RASSF9: variants seen among roughly 807,000 people sequenced by gnomAD.
RASSF9 encodes ras association domain-containing protein 9.
RASSF9 carries 18 observed loss-of-function variants against 21.4 expected under a neutral mutation model. The ratio of observed to expected loss-of-function variants is 0.84; its 90% CI spans 0.58 to 1.25. RASSF9 has a LOEUF of 1.25. Ranked by LOEUF, RASSF9 falls within the 50% of genes most tolerant of loss-of-function variation. The probability of loss-of-function intolerance (pLI) is 0.00; values close to 1 mark genes in which losing one functional copy is unlikely to be tolerated. For synonymous variants in RASSF9, 183 were observed against 179.1 expected (o/e 1.02, Z -0.18); for missense variants, 480 against 503.2 (o/e 0.95, Z 0.44).
At chr12:85,834,359 CTTTTT>C in intron 1 of RASSF9, among the ~76,000 whole-genome samples, 1 of 152,144 alleles carries the variant, frequency 6.6e-6, no homozygotes, top group East Asian at 1.9e-4. Context: ...ATTAAACTCT[CTTTTT>C]TATTTTTATT....
intron 1 of RASSF9, among the ~76,000 whole-genome samples, chr12:85,822,264 T>G (rs1380688497): frequency 6.6e-6 from 1 of 151,378 alleles, no homozygotes; most frequent in Non-Finnish European, 1.5e-5. Context: ...GCTCTTCCCC[T>G]CTAAATGTAT....
At chr12:85,821,650 T>C (rs2136559013) in intron 1 of RASSF9, among the ~76,000 whole-genome samples, 1 of 151,540 alleles carries the variant, frequency 6.6e-6, no homozygotes, top group East Asian at 1.9e-4. Context: ...TATATGTTTG[T>C]GTATATACGA....
rs1365173722 is a variant in RASSF9 at position 85,800,830 on chromosome 12, T to TA, written c.*3871dup. The TA allele has an allele frequency of 6.6e-6, 1 of 151,882 alleles. No individual in the cohort carries two copies. The highest frequency in any genetic ancestry group is 2.4e-5 in the African/African-American group (1 of 41,414). The allele number at this position is 151,882 out of a possible 1,614,324, so 9.4% of individuals were successfully genotyped here. A position where few individuals can be genotyped will look rare whatever the true frequency, so the allele number is the denominator to read the frequency against. On this transcript the variant is annotated 3_prime_UTR_variant, in exon 2 of 2. Transcript: ENST00000361228. ...GTATGAAAAGAAATAGCCTAGTATT[T>TA]AAAAACTATATATCAGGATAAAATG...
At chr12:85,812,105 C>A (rs1190308478) in intron 1 of RASSF9, among the ~76,000 whole-genome samples, 1 of 151,616 alleles carries the variant, frequency 6.6e-6, no homozygotes, top group Non-Finnish European at 1.5e-5. Flanking sequence ...ACACAATTAT[C>A]TTTTTAGTTA....
chr12:85,830,399 T>C (rs1592534703), intron 1 of RASSF9, among the ~76,000 whole-genome samples: 1 of 152,122 alleles, frequency 6.6e-6, no homozygotes, highest in African/African-American at 2.4e-5. Context: ...AAGTTACCCA[T>C]GTATCCACTT....
intron 1 of RASSF9, among the ~76,000 whole-genome samples, chr12:85,820,161 AC>A (rs1369024022): frequency 6.6e-6 from 1 of 152,186 alleles, no homozygotes; most frequent in Admixed American, 6.5e-5. Context: ...AAGGAAAATA[AC>A]CAGCTTAGAC....
chr12:85,826,005 T>C (rs1052987534), intron 1 of RASSF9, among the ~76,000 whole-genome samples: 1 of 152,154 alleles, frequency 6.6e-6, no homozygotes, highest in South Asian at 2.1e-4. Context: ...CCAGGTGCAC[T>C]GTACTATTCT....
chr12:85,825,175 G>A (rs1012328655), intron 1 of RASSF9, among the ~76,000 whole-genome samples: 1 of 152,044 alleles, frequency 6.6e-6, no homozygotes, highest in Non-Finnish European at 1.5e-5. Context: ...ATTAATTTTT[G>A]TATTTTTAGT....
intron 1 of RASSF9, among the ~76,000 whole-genome samples, chr12:85,806,213 A>AT (rs376246716): frequency 0.18 from 25,919 of 147,292 alleles, 2,348 homozygotes; most frequent in African/African-American, 0.19. Flanking sequence ...GGCCCGGCTA[A>AT]TTTTTTTTTT....
intron 1 of RASSF9, among the ~76,000 whole-genome samples, chr12:85,832,066 G>A (rs1880463475): frequency 6.6e-6 from 1 of 151,816 alleles, no homozygotes. Flanking sequence ...AGCCTGTGGT[G>A]GATATTCATA....
intron 1 of RASSF9, among the ~76,000 whole-genome samples, chr12:85,823,799 C>A (rs1222394141): frequency 6.6e-6 from 1 of 152,174 alleles, no homozygotes; most frequent in Non-Finnish European, 1.5e-5. Flanking sequence ...GAGCCCTCAG[C>A]CAATCAGCTG....
rs765398346 is a variant in RASSF9 at position 85,824,064 on chromosome 12, TCTAA to T, written c.47+12087_47+12090del. Among the ~76,000 whole-genome samples, 4 of 152,312 alleles carry T rather than the reference TCTAA, an allele frequency of 2.6e-5. No individual in the cohort carries two copies. The East Asian group carries it at 7.7e-4, about 29-fold the overall frequency. ...CAATTGTATGATGATGGTTCTCAAA[TCTAA>T]CTATTACGACCTTGAGCTCTAGACC... is the stretch of plus-strand genomic sequence containing the variant. On this transcript the variant is annotated intron_variant, in intron 1 of 1. Coordinates refer to ENST00000361228, the MANE Select transcript of RASSF9 (RefSeq NM_005447.4).
chr12:85,836,315 C>G lies in RASSF9; in HGVS notation c.-114G>C, dbSNP rs1880563726. 5 of 1,529,928 alleles carry G rather than the reference C, an allele frequency of 3.3e-6. No individual in the cohort carries two copies. Among genetic ancestry groups the G allele is most frequent in the Admixed American group, 2.0e-5 (1 of 49,746 alleles). The allele number at this position is 1,529,928 out of a possible 1,614,324, so 94.8% of individuals were successfully genotyped here. On this transcript the variant is annotated 5_prime_UTR_variant, in exon 1 of 2. Transcript: ENST00000361228. ...AGGGCTGGAAGCTTTCTCTTCTCCTCGGATGTTCCTGGCTTTCAGCTCATT... is the reference window on the plus strand; with the variant it reads ...AGGGCTGGAAGCTTTCTCTTCTCCTGGGATGTTCCTGGCTTTCAGCTCATT...
intron 1 of RASSF9, 39 bp downstream of exon 1, chr12:85,836,116 C>G (rs971009028): frequency 9.3e-5 from 144 of 1,550,700 alleles, no homozygotes; most frequent in South Asian, 3.8e-4. Flanking sequence ...CACACACACA[C>G]AGAGACACAC....
rs1879770682 is a variant in RASSF9, at chr12:85,804,495, GATAA to G, written c.*203_*206del. On this transcript the variant is annotated 3_prime_UTR_variant, in exon 2 of 2. Coordinates refer to ENST00000361228, the MANE Select transcript of RASSF9 (RefSeq NM_005447.4). ...GACAAGCTATTTGTGCTGCATTCGT[GATAA>G]ATAGTTCATTGCTTGAACTTGCAAT... 1 of 490,838 alleles carries G rather than the reference GATAA, an allele frequency of 2.0e-6. No homozygotes were observed. The highest frequency in any genetic ancestry group is 3.5e-6 in the Non-Finnish European group (1 of 285,796). 30.4% of individuals were successfully genotyped at this position (490,838 alleles called of 1,614,324 possible). A position where few individuals can be genotyped will look rare whatever the true frequency, so the allele number is the denominator to read the frequency against.
intron 1 of RASSF9, among the ~76,000 whole-genome samples, chr12:85,830,642 A>C (rs1880430293): frequency 6.6e-6 from 1 of 152,122 alleles, no homozygotes; most frequent in African/African-American, 2.4e-5. Context: ...ACCTCTGAGT[A>C]TAATTTTCCT....
chr12:85,832,190 A>G (rs1454751018), intron 1 of RASSF9, among the ~76,000 whole-genome samples: 1 of 151,876 alleles, frequency 6.6e-6, no homozygotes, highest in Non-Finnish European at 1.5e-5. Flanking sequence ...ACTGGATTCA[A>G]TATTTTTATA....
intron 1 of RASSF9, among the ~76,000 whole-genome samples, chr12:85,831,455 G>T (rs1053557116): frequency 6.6e-6 from 1 of 151,894 alleles, no homozygotes; most frequent in Non-Finnish European, 1.5e-5. Context: ...AACAATTCAG[G>T]TTTAACCTAG....
At chr12:85,822,429 T>A (rs1191437789) in intron 1 of RASSF9, among the ~76,000 whole-genome samples, 2 of 152,228 alleles carry the variant, frequency 1.3e-5, no homozygotes, top group Non-Finnish European at 2.9e-5. Flanking sequence ...TAACTTCCAG[T>A]TGGAAGCTTC....
Sources: gnomAD v4.1 joint callset for allele counts (sites outside exome capture counted in the v4.1 genomes callset) on GRCh38, gnomAD v4.1.1 for gene constraint, MANE v1.5 for transcripts, NCBI Gene and HGNC (gene_info 2026-07-23, HGNC 2026-07-21) for gene names.